SAMD4A: variants seen among roughly 807,000 people sequenced by gnomAD.
The protein encoded by SAMD4A is protein Smaug homolog 1.
SAMD4A carries 33 observed loss-of-function variants against 81.3 expected under a neutral mutation model. The observed-to-expected ratio is 0.41, with a 90% confidence interval of 0.31 to 0.54. SAMD4A has a LOEUF of 0.54. Ranked by LOEUF, SAMD4A falls within the 20% of genes least tolerant of loss-of-function variation. The probability of loss-of-function intolerance (pLI) is 0.37; values close to 1 mark genes in which losing one functional copy is unlikely to be tolerated. For synonymous variants in SAMD4A, 389 were observed against 382.1 expected (o/e 1.02, Z -0.21); for missense variants, 854 against 951.1 (o/e 0.90, Z 1.34).
chr14:54,678,262 CTG>C (rs1391970295), intron 2 of SAMD4A, among the ~76,000 whole-genome samples: 1 of 152,168 alleles, frequency 6.6e-6, no homozygotes, highest in African/African-American at 2.4e-5. Context: ...CTTGGCATCT[CTG>C]TGTCGTTAAA....
At chr14:54,739,898 G>T (rs562030483) in intron 4 of SAMD4A, among the ~76,000 whole-genome samples, 6 of 152,190 alleles carry the variant, frequency 3.9e-5, no homozygotes, top group Non-Finnish European at 7.3e-5. Flanking sequence ...GGCTGGGTGC[G>T]GTGGCTCACG....
chr14:54,648,632 G>T (rs2035336254), intron 2 of SAMD4A, among the ~76,000 whole-genome samples: 1 of 152,162 alleles, frequency 6.6e-6, no homozygotes, highest in Non-Finnish European at 1.5e-5. Flanking sequence ...AGTGTGACTG[G>T]AATGGATTGA....
chr14:54,657,654 C>G (rs2035549508), intron 2 of SAMD4A, among the ~76,000 whole-genome samples: 1 of 152,206 alleles, frequency 6.6e-6, no homozygotes. Flanking sequence ...TGGTCTTCTG[C>G]AGTGATGTGG....
intron 4 of SAMD4A, among the ~76,000 whole-genome samples, chr14:54,748,391 G>C (rs1381541503): frequency 6.6e-6 from 1 of 152,210 alleles, no homozygotes; most frequent in Non-Finnish European, 1.5e-5. Context: ...TTCGAAGCCA[G>C]CTCTTTCCAA....
chr14:54,772,918 C>G (rs1226000017), intron 9 of SAMD4A, among the ~76,000 whole-genome samples: 4 of 152,108 alleles, frequency 2.6e-5, no homozygotes, highest in Non-Finnish European at 5.9e-5. Flanking sequence ...ACTTATTCTA[C>G]CCCTCCTGGC....
chr14:54,731,654 G>A (rs554066643), intron 3 of SAMD4A, among the ~76,000 whole-genome samples: 8 of 152,238 alleles, frequency 5.3e-5, no homozygotes, highest in African/African-American at 1.2e-4. Flanking sequence ...TTAATGAAGC[G>A]TATGTTTTTC....
intron 11 of SAMD4A, 190 bp from the exon 12 acceptor site, chr14:54,784,347 A>G (rs140270922): frequency 1.3e-6 from 2 of 1,554,784 alleles, no homozygotes; most frequent in Non-Finnish European, 1.7e-6. Flanking sequence ...CAGGTTCCCA[A>G]GTTCACAGTG....
intron 3 of SAMD4A, among the ~76,000 whole-genome samples, chr14:54,721,966 A>G (rs1053758970): frequency 6.6e-6 from 1 of 152,220 alleles, no homozygotes; most frequent in South Asian, 2.1e-4. Context: ...TTGTAGATAA[A>G]TGATGGCTTC....
chr14:54,603,330 C>G (rs2034111261), intron 2 of SAMD4A, among the ~76,000 whole-genome samples: 1 of 151,934 alleles, frequency 6.6e-6, no homozygotes, highest in South Asian at 2.1e-4. Flanking sequence ...TTTTATTAGC[C>G]CAAAGATAAT....
At position 54,670,697 on chromosome 14, in the gene SAMD4A, A is replaced by T. The variant is rs147902175; in HGVS notation, c.197-31365A>T. 4.1e-3 allele frequency among the ~76,000 whole-genome samples: 622 copies of T among 152,314 alleles called. 1 individual carries two copies. The highest frequency in any genetic ancestry group is 0.034 in the Middle Eastern group (10 of 294). On this transcript the variant is annotated intron_variant, in intron 2 of 12. Transcript: ENST00000554335. ...GATGGTAGCTGTTGTTATTGCTGCA[A>T]TTGTTGTCTTCATATCATTGTTACC...
intron 2 of SAMD4A, among the ~76,000 whole-genome samples, chr14:54,633,107 G>A (rs962437197): frequency 4.6e-5 from 7 of 152,246 alleles, no homozygotes; most frequent in African/African-American, 1.7e-4. Context: ...CTGGCTGTCT[G>A]AAGAGGTTAT....
chr14:54,661,168 GC>G (rs2140467415), intron 2 of SAMD4A, among the ~76,000 whole-genome samples: 1 of 152,300 alleles, frequency 6.6e-6, no homozygotes, highest in East Asian at 1.9e-4. Flanking sequence ...TTTTAGAAGT[GC>G]TTTATAAATA....
intron 11 of SAMD4A, among the ~76,000 whole-genome samples, chr14:54,783,085 C>T (rs1362860272): frequency 6.6e-6 from 1 of 152,066 alleles, no homozygotes; most frequent in Non-Finnish European, 1.5e-5. Context: ...TGTGGACACC[C>T]CCTCTGGGAC....
intron 3 of SAMD4A, among the ~76,000 whole-genome samples, chr14:54,705,722 C>T (rs111752760): frequency 2.6e-4 from 39 of 152,322 alleles, no homozygotes; most frequent in African/African-American, 9.1e-4. Flanking sequence ...GCAAATGCTT[C>T]CTGTCCATCT....
intron 10 of SAMD4A, among the ~76,000 whole-genome samples, chr14:54,776,086 T>A (rs1010909545): frequency 2.0e-5 from 3 of 146,636 alleles, no homozygotes; most frequent in Non-Finnish European, 3.0e-5. Context: ...CATACATTTA[T>A]AGAACTCCCC....
At chr14:54,687,467 C>CA (rs2036304778) in intron 2 of SAMD4A, 1 of 414,374 alleles carries the variant, frequency 2.4e-6, no homozygotes, top group Non-Finnish European at 4.7e-6. Context: ...AAAAGGCAGC[C>CA]AAAAAACAAT....
intron 2 of SAMD4A, among the ~76,000 whole-genome samples, chr14:54,576,143 T>C (rs978105255): frequency 6.7e-6 from 1 of 150,336 alleles, no homozygotes; most frequent in African/African-American, 2.4e-5. Context: ...AGCACTCCCA[T>C]AAAGTGCAGT....
At chr14:54,615,976 T>C (rs2034480804) in intron 2 of SAMD4A, among the ~76,000 whole-genome samples, 1 of 151,946 alleles carries the variant, frequency 6.6e-6, no homozygotes, top group Non-Finnish European at 1.5e-5. Flanking sequence ...AAAATAAAAG[T>C]TTGCTGTATT....
At chr14:54,621,868 G>C (rs1422407217) in intron 2 of SAMD4A, among the ~76,000 whole-genome samples, 2 of 152,188 alleles carry the variant, frequency 1.3e-5, no homozygotes, top group African/African-American at 4.8e-5. Context: ...ATCTGTTAAT[G>C]CCAGCAAAGC....
Sources: gnomAD v4.1 joint callset for allele counts (sites outside exome capture counted in the v4.1 genomes callset) on GRCh38, gnomAD v4.1.1 for gene constraint, MANE v1.5 for transcripts, NCBI Gene and HGNC (gene_info 2026-07-23, HGNC 2026-07-21) for gene names.